Variants in SLC6A6 observed in about 807,000 individuals in gnomAD.
The protein encoded by SLC6A6 is sodium- and chloride-dependent taurine transporter.
Under a neutral mutation model 68.8 loss-of-function variants are expected in SLC6A6, and 16 were observed. The observed-to-expected ratio is 0.23, with a 90% CI of 0.16 to 0.35. The LOEUF (loss-of-function observed/expected upper bound fraction) is 0.35, where lower values mean the gene tolerates loss of function less well. Among genes scored for constraint, SLC6A6 ranks in the 10% least tolerant of loss-of-function variants. The probability of loss-of-function intolerance (pLI) is 1.00; values close to 1 mark genes in which losing one functional copy is unlikely to be tolerated. For synonymous variants in SLC6A6, 312 were observed against 315.4 expected (o/e 0.99, Z 0.12); for missense variants, 474 against 802.8 (o/e 0.59, Z 4.95).
In SLC6A6 at chr3:14,428,648, G is replaced by A. The variant is rs191458146; in HGVS notation, c.-12+12195G>A. Among the ~76,000 whole-genome samples the A allele has an allele frequency of 1.8e-3, 267 of 152,310 alleles. 2 individuals carry two copies. The highest frequency in any genetic ancestry group is 6.8e-3 in the Middle Eastern group (2 of 294). On this transcript the variant is annotated intron_variant, in intron 2 of 14. Transcript: ENST00000622186. Reference sequence around the variant, plus strand: ...TGAGAGAGGGGCCCTGTGTGCAGGTGTGTGGGAGGGACATTTGGGACCCTG... The same window carrying A: ...TGAGAGAGGGGCCCTGTGTGCAGGTATGTGGGAGGGACATTTGGGACCCTG...
rs188313032 is a variant in SLC6A6, at chr3:14,482,238, G to A, written c.1722+397G>A. Reference sequence around the variant, plus strand: ...GTGGGGCCATGTTCCTGAAGCGGTGGGACAAAGCCAGGAGCCTAGGGAGGA... The same window carrying A: ...GTGGGGCCATGTTCCTGAAGCGGTGAGACAAAGCCAGGAGCCTAGGGAGGA... On this transcript the variant is annotated intron_variant, in intron 14 of 14. Transcript: ENST00000622186. Among the ~76,000 whole-genome samples the A allele has an allele frequency of 2.9e-3, 447 of 152,290 alleles. 1 individual carries two copies. The highest frequency in any genetic ancestry group is 5.0e-3 in the Non-Finnish European group (340 of 68,014).
rs139688006 is a variant in SLC6A6, at chr3:14,413,371, T to C, written c.-53-3041T>C. Among the ~76,000 whole-genome samples, 525 of 152,350 alleles carry C rather than the reference T, an allele frequency of 3.4e-3. 1 individual carries two copies. Among genetic ancestry groups the C allele is most frequent in the African/African-American group, 0.012 (510 of 41,578 alleles). On this transcript the variant is annotated intron_variant, in intron 1 of 14. Transcript: ENST00000622186. ...TTCATCCCTGCAGCCACGCAGGCAT[T>C]CTCCGTAATCGCCGTCTGCTTTGAG...
At position 14,467,844 on chromosome 3, in the gene SLC6A6, C is replaced by G. The variant is rs935482253; in HGVS notation, c.868-9C>G. ...CTCTCTTTCCTTGCCACCTCCCTCC[C>G]CCTCATAGGTGTGGATTGACGCTGG... On this transcript the variant is annotated splice_polypyrimidine_tract_variant and intron_variant, in intron 7 of 14. Coordinates refer to ENST00000622186, the MANE Select transcript of SLC6A6 (RefSeq NM_003043.6). 6.3e-7 allele frequency: 1 copy of G among 1,577,570 alleles called. No individual in the cohort carries two copies. The highest frequency in any genetic ancestry group is 1.4e-5 in the African/African-American group (1 of 73,834).
At chr3:14,435,917 C>G (rs1699841674) in intron 2 of SLC6A6, among the ~76,000 whole-genome samples, 1 of 152,216 alleles carries the variant, frequency 6.6e-6, no homozygotes, top group Admixed American at 6.5e-5. Context: ...CTCCTCCTGT[C>G]CCCTGGTTCC....
chr3:14,484,745 G>C (rs956406052), intron 14 of SLC6A6, 122 bp from the exon 15 acceptor site: 1 of 909,694 alleles, frequency 1.1e-6, no homozygotes, highest in Non-Finnish European at 1.7e-6. Flanking sequence ...GATCAGAGAG[G>C]GTGTGAGTTT....
At position 14,479,786 on chromosome 3, in the gene SLC6A6, C is replaced by G. The variant is rs567775344; in HGVS notation, c.1551+601C>G. Among the ~76,000 whole-genome samples, 7 of 152,338 alleles carry G rather than the reference C, an allele frequency of 4.6e-5. 1 individual carries two copies. In the South Asian group the frequency reaches 1.4e-3, roughly 32 times the overall value. On this transcript the variant is annotated intron_variant, in intron 13 of 14. Transcript: ENST00000622186. ...CACCATGTTGGAGTTGGCCTTGGCA[C>G]CTGCCCATGCAGTCTGCTTCATGGT...
chr3:14,441,357 G>T (rs1221661813), intron 2 of SLC6A6, among the ~76,000 whole-genome samples: 4 of 152,022 alleles, frequency 2.6e-5, no homozygotes, highest in Admixed American at 6.5e-5. Context: ...GGGGGGCTGT[G>T]CAAGTCAATG....
intron 2 of SLC6A6, among the ~76,000 whole-genome samples, chr3:14,423,917 C>T (rs1213016419): frequency 6.6e-6 from 1 of 152,128 alleles, no homozygotes; most frequent in Non-Finnish European, 1.5e-5. Flanking sequence ...GCCAAGCGAT[C>T]CCTGTGTGGC....
rs1010564715 is a variant in SLC6A6, at chr3:14,444,642, T to A, written c.229+779T>A. On this transcript the variant is annotated intron_variant, in intron 3 of 14. Transcript: ENST00000622186. ...GACTGCTTGTTGTCAAAGGCTTGTGTGTCAGCAGAGATGGGCATGCCTTGT... is the reference window on the plus strand; with the variant it reads ...GACTGCTTGTTGTCAAAGGCTTGTGAGTCAGCAGAGATGGGCATGCCTTGT... 8 of 431,468 alleles carry A rather than the reference T, an allele frequency of 1.9e-5. No homozygotes were observed. The Admixed American group carries it at 2.0e-4, about 11-fold the overall frequency. The allele number at this position is 431,468 out of a possible 1,614,324, so 26.7% of individuals were successfully genotyped here.
At chr3:14,448,361 T>G (rs1700178515) in intron 5 of SLC6A6, among the ~76,000 whole-genome samples, 1 of 152,206 alleles carries the variant, frequency 6.6e-6, no homozygotes, top group Admixed American at 6.5e-5. Context: ...TGAGCTTGGC[T>G]GGGCAGTTCT....
At chr3:14,406,444 C>A (rs566890300) in intron 1 of SLC6A6, among the ~76,000 whole-genome samples, 1 of 152,178 alleles carries the variant, frequency 6.6e-6, no homozygotes. Context: ...GAGTAAGGAA[C>A]GGAACTGGGG....
intron 9 of SLC6A6, among the ~76,000 whole-genome samples, chr3:14,471,757 A>G (rs1406342246): frequency 1.3e-5 from 2 of 152,282 alleles, no homozygotes; most frequent in Non-Finnish European, 1.5e-5. Flanking sequence ...TGTTTTAGCC[A>G]TTAACTCAAA....
At chr3:14,413,773 G>A (rs757664491) in intron 1 of SLC6A6, among the ~76,000 whole-genome samples, 73 of 152,180 alleles carry the variant, frequency 4.8e-4, no homozygotes, top group Middle Eastern at 3.2e-3. Context: ...AGGGCTGCGG[G>A]AACCTCAGGT....
chr3:14,445,852 G>A lies in SLC6A6; in HGVS notation c.364+1G>A. On this transcript the variant is annotated splice_donor_variant, in intron 4 of 14. Coordinates refer to ENST00000622186, the MANE Select transcript of SLC6A6 (RefSeq NM_003043.6). LOFTEE classifies it high-confidence loss of function. Reference sequence around the variant, plus strand: ...GAAAAGATCTGCCCCTTGTTCTCTGGTGAGTATGGGACGGAGGTCACTTGG... The same window carrying A: ...GAAAAGATCTGCCCCTTGTTCTCTGATGAGTATGGGACGGAGGTCACTTGG... The A allele has an allele frequency of 1.2e-6, 2 of 1,614,246 alleles. No homozygotes were observed. The highest frequency in any genetic ancestry group is 1.7e-6 in the Non-Finnish European group (2 of 1,180,040).
intron 10 of SLC6A6, among the ~76,000 whole-genome samples, chr3:14,474,239 G>A (rs1700820463): frequency 6.6e-6 from 1 of 152,172 alleles, no homozygotes; most frequent in African/African-American, 2.4e-5. Flanking sequence ...GGGGAAATGG[G>A]GAAGGTTTTG....
chr3:14,462,810 A>G (rs1700526242), intron 6 of SLC6A6, among the ~76,000 whole-genome samples: 1 of 152,140 alleles, frequency 6.6e-6, no homozygotes, highest in Non-Finnish European at 1.5e-5. Context: ...GAACACACAC[A>G]TTTTCCATAG....
rs561237092 is a variant in SLC6A6, at chr3:14,445,069, G to A, written c.230-648G>A. ...TGAGTGGGTCTTAAGAGGCCAAGCCGTCCTTGTTCAGGGGACGGATGTGGA... is the reference window on the plus strand; with the variant it reads ...TGAGTGGGTCTTAAGAGGCCAAGCCATCCTTGTTCAGGGGACGGATGTGGA... On this transcript the variant is annotated intron_variant, in intron 3 of 14. Transcript: ENST00000622186. 1.7e-3 allele frequency among the ~76,000 whole-genome samples: 266 copies of A among 152,250 alleles called. 2 individuals carry two copies. Among genetic ancestry groups the A allele is most frequent in the African/African-American group, 5.9e-3 (246 of 41,522 alleles).
rs144501578 is a variant in SLC6A6, at chr3:14,424,158, A to G, written c.-12+7705A>G. ...TTTGGGGAAAAATCTCTAAGCATAT[A>G]AACATTGAGAATTGAAAGTCTGATC... On this transcript the variant is annotated intron_variant, in intron 2 of 14. Transcript: ENST00000622186. Among the ~76,000 whole-genome samples the G allele has an allele frequency of 4.2e-3, 633 of 152,276 alleles. 9 individuals are homozygous for G. Among genetic ancestry groups the G allele is most frequent in the Middle Eastern group, 0.037 (11 of 294 alleles).
intron 12 of SLC6A6, 149 bp from the exon 13 acceptor site, chr3:14,478,936 A>T: frequency 1.6e-6 from 1 of 622,948 alleles, no homozygotes; most frequent in South Asian, 1.9e-5. Context: ...TTTGAATTTC[A>T]TGTAAATGTC....
Sources: gnomAD v4.1 joint callset for allele counts (sites outside exome capture counted in the v4.1 genomes callset) on GRCh38, gnomAD v4.1.1 for gene constraint, MANE v1.5 for transcripts, NCBI Gene and HGNC (gene_info 2026-07-23, HGNC 2026-07-21) for gene names.